ADNP: variants seen among roughly 807,000 people sequenced by gnomAD.
ADNP encodes activity-dependent neuroprotector homeobox protein.
In ADNP, 4 loss-of-function variants were observed where a neutral mutation model predicts 84.9. That is an observed-to-expected ratio of 0.05 (90% confidence interval 0.02 to 0.11). The LOEUF (loss-of-function observed/expected upper bound fraction) is 0.11, where lower values mean the gene tolerates loss of function less well. Ranked by LOEUF, ADNP falls within the 10% of genes least tolerant of loss-of-function variation. The probability of loss-of-function intolerance (pLI) is 1.00; values close to 1 mark genes in which losing one functional copy is unlikely to be tolerated. For synonymous variants in ADNP, 554 were observed against 468.1 expected (o/e 1.18, Z -2.37); for missense variants, 1,132 against 1,326.0 (o/e 0.85, Z 2.27).
intron 1 of ADNP, among the ~76,000 whole-genome samples, chr20:50,929,279 C>A: frequency 6.6e-6 from 1 of 152,180 alleles, no homozygotes; most frequent in East Asian, 1.9e-4. Flanking sequence ...GAATCCGAAC[C>A]AAGGATGTGC....
Position 50,889,773 on chromosome 20 carries a change from A to C in ADNP, c.*1632T>G, listed in dbSNP as rs1210699334. ...CTTGTAACTTTCTGCTTTTTAGTAC[A>C]AGTTCTCTTGGGAATCTACGCATGG... On this transcript the variant is annotated 3_prime_UTR_variant, in exon 6 of 6. Transcript: ENST00000621696. The C allele has an allele frequency of 2.5e-6, 1 of 397,410 alleles. No individual in the cohort carries two copies. The allele number at this position is 397,410 out of a possible 1,614,324, so 24.6% of individuals were successfully genotyped here. A position where few individuals can be genotyped will look rare whatever the true frequency, so the allele number is the denominator to read the frequency against.
intron 5 of ADNP, among the ~76,000 whole-genome samples, chr20:50,900,211 C>G (rs368427894): frequency 6.6e-6 from 1 of 152,098 alleles, no homozygotes; most frequent in South Asian, 2.1e-4. Context: ...TTTAGAAACA[C>G]AAATACTTAC....
At chr20:50,915,489 C>A (rs1983440530) in intron 2 of ADNP, among the ~76,000 whole-genome samples, 1 of 152,190 alleles carries the variant, frequency 6.6e-6, no homozygotes, top group Admixed American at 6.5e-5. Flanking sequence ...TCACCCCACT[C>A]AATCTTTTTC....
intron 2 of ADNP, among the ~76,000 whole-genome samples, chr20:50,925,904 C>A (rs1984259562): frequency 6.6e-6 from 1 of 152,228 alleles, no homozygotes; most frequent in Admixed American, 6.5e-5. Context: ...AGTTCAAGAC[C>A]AGCTTGGCCA....
Position 50,890,091 on chromosome 20 carries a change from A to AAAGGT in ADNP, c.*1309_*1313dup. ...TATATGCAGGCTCTGCTCCTTAACAAAAGGTGAACTGAAAAACTCAAGGGT... is the reference window on the plus strand; with the variant it reads ...TATATGCAGGCTCTGCTCCTTAACAAAAGGTAAGGTGAACTGAAAAACTCAAGGGT... On this transcript the variant is annotated 3_prime_UTR_variant, in exon 6 of 6. Transcript: ENST00000621696. The AAAGGT allele has an allele frequency of 3.1e-6, 1 of 324,176 alleles. No individual in the cohort carries two copies. Among genetic ancestry groups the AAAGGT allele is most frequent in the Admixed American group, 4.9e-5 (1 of 20,434 alleles). 20.1% of individuals were successfully genotyped at this position (324,176 alleles called of 1,614,324 possible). A position where few individuals can be genotyped will look rare whatever the true frequency, so the allele number is the denominator to read the frequency against.
chr20:50,925,263 T>TACACACACACACACACACACAC lies in ADNP; in HGVS notation c.-90+3366_-90+3387dup, dbSNP rs57985341. Among the ~76,000 whole-genome samples, 742 of 149,066 alleles carry TACACACACACACACACACACAC rather than the reference T, an allele frequency of 5.0e-3. 2 individuals carry two copies. The highest frequency in any genetic ancestry group is 7.5e-3 in the Non-Finnish European group (504 of 67,254). ...CTCAATTTTTATCTGTGACTTCCTATACACACACACACACACACACACACA... is the reference window on the plus strand; with the variant it reads ...CTCAATTTTTATCTGTGACTTCCTATACACACACACACACACACACACACACACACACACACACACACACACA... On this transcript the variant is annotated intron_variant, in intron 2 of 5. Transcript: ENST00000621696.
At chr20:50,930,686 T>C (rs1173238504) in intron 1 of ADNP, 140 bp downstream of exon 1, 1 of 151,822 alleles carries the variant, frequency 6.6e-6, no homozygotes, top group Non-Finnish European at 1.5e-5. Context: ...CAAAGGAGCG[T>C]GTGTGCGGCT....
chr20:50,925,263 TAC>T (rs57985341), intron 2 of ADNP, among the ~76,000 whole-genome samples: 6,588 of 148,852 alleles, frequency 0.044, 308 homozygotes, highest in African/African-American at 0.12. Flanking sequence ...TGACTTCCTA[TAC>T]ACACACACAC....
chr20:50,898,859 G>A (rs955395904), intron 5 of ADNP, among the ~76,000 whole-genome samples: 2 of 152,126 alleles, frequency 1.3e-5, no homozygotes, highest in Non-Finnish European at 2.9e-5. Context: ...AGTATATATA[G>A]TAAATACATA....
At chr20:50,907,607 A>G (rs1034682813) in intron 2 of ADNP, among the ~76,000 whole-genome samples, 1 of 146,532 alleles carries the variant, frequency 6.8e-6, no homozygotes, top group African/African-American at 2.5e-5. Context: ...ACGCCTGGCC[A>G]GGGTTCCACT....
At chr20:50,905,934 T>C (rs867637449) in intron 2 of ADNP, among the ~76,000 whole-genome samples, 7 of 152,252 alleles carry the variant, frequency 4.6e-5, no homozygotes, top group African/African-American at 9.6e-5. Flanking sequence ...TAGTACACAC[T>C]GGGCATGGTG....
rs1002057722 is a variant in ADNP at position 50,903,922 on chromosome 20, G to A, written c.75C>T (p.Asp25=). The change falls in exon 4 of 6, where the codon GAC becomes GAT. Residue 25 remains aspartate, a synonymous_variant. Coordinates refer to ENST00000621696, the MANE Select transcript of ADNP (RefSeq NM_001282531.3). The part of the protein sequence containing the change: ...ARKTVKKILS[D]IGLEYCKEHI... ...GTTCTTTACAGTATTCCAACCCAAT[G>A]TCACTAAGTATTTTTTTCACAGTTT... is the stretch of plus-strand genomic sequence containing the variant. 1 of 1,613,708 alleles carries A rather than the reference G, an allele frequency of 6.2e-7. No homozygotes were observed. Among genetic ancestry groups the A allele is most frequent in the African/African-American group, 1.3e-5 (1 of 74,906 alleles).
chr20:50,913,334 G>GCTA (rs1272287422), intron 2 of ADNP, among the ~76,000 whole-genome samples: 1 of 141,430 alleles, frequency 7.1e-6, no homozygotes. Flanking sequence ...AGACAATCAG[G>GCTA]CTACTACAAT....
At position 50,893,151 on chromosome 20, in the gene ADNP, G is replaced by A. The variant is rs1219299927; in HGVS notation, c.1563C>T (p.Phe521=). ...GLSCPYCRST[F]NDVEKMAAHM... ...GTGCGGCCATCTTTTCCACATCATT[G>A]AAAGTTGAACGGCAATATGGACAAG... Residue 521 remains phenylalanine (F), a synonymous_variant, in exon 6 of 6, where the codon TTC becomes TTT. Coordinates refer to ENST00000621696, the MANE Select transcript of ADNP (RefSeq NM_001282531.3). This position sits in a 1 kb window ranked among gnomAD's most constrained non-coding sequence, Gnocchi z 4.4. 3 of 1,614,248 alleles carry A rather than the reference G, an allele frequency of 1.9e-6. No individual in the cohort carries two copies. The highest frequency in any genetic ancestry group is 1.7e-6 in the Non-Finnish European group (2 of 1,180,042).
chr20:50,891,334 C>CA lies in ADNP; in HGVS notation c.*70dup. 1 of 1,480,232 alleles carries CA rather than the reference C, an allele frequency of 6.8e-7. No homozygotes were observed. Among genetic ancestry groups the CA allele is most frequent in the South Asian group, 1.4e-5 (1 of 72,418 alleles). 91.7% of individuals were successfully genotyped at this position (1,480,232 alleles called of 1,614,324 possible). Reference sequence around the variant, plus strand: ...TCACAAGGCAGTACCAGTGAGAAGACAGCTTTGCAGTCACACTGGATATCA... The same window carrying CA: ...TCACAAGGCAGTACCAGTGAGAAGACAAGCTTTGCAGTCACACTGGATATCA... On this transcript the variant is annotated 3_prime_UTR_variant, in exon 6 of 6. Transcript: ENST00000621696.
intron 2 of ADNP, among the ~76,000 whole-genome samples, chr20:50,925,415 C>T (rs943541566): frequency 2.0e-5 from 3 of 152,060 alleles, no homozygotes; most frequent in Non-Finnish European, 4.4e-5. Flanking sequence ...ACTGGCAGAT[C>T]GCAAAGGTAG....
rs1165275789 is a variant in ADNP at position 50,891,570 on chromosome 20, C to A, written c.3144G>T (p.Lys1048Asn). ...AGCGCTCATCATTCTCAGATGCATT[C>A]TTCCACTGTGACTGGTCCTTAGACC... ...GFWSKDQSQWKNASENDERLS... is the reference protein window; with the variant it reads ...GFWSKDQSQWNNASENDERLS... The change falls in exon 6 of 6, where the codon AAG (lysine) becomes AAT (asparagine). Residue 1048 changes from lysine (K) to asparagine (N), a missense_variant. Physicochemically the swap from Lys to Asn is moderately conservative, Grantham distance 94 (BLOSUM62 0). Transcript: ENST00000621696. 6.2e-7 allele frequency: 1 copy of A among 1,612,702 alleles called. No individual in the cohort carries two copies. The highest frequency in any genetic ancestry group is 1.7e-5 in the Admixed American group (1 of 60,014).
At chr20:50,919,319 A>ATATAT (rs1555815827) in intron 2 of ADNP, among the ~76,000 whole-genome samples, 2 of 148,274 alleles carry the variant, frequency 1.3e-5, no homozygotes, top group African/African-American at 2.5e-5. Flanking sequence ...ATATATATGT[A>ATATAT]AAAAGCCAGG....
At chr20:50,914,005 G>C in intron 2 of ADNP, 1 of 752,824 alleles carries the variant, frequency 1.3e-6, no homozygotes, top group Non-Finnish European at 2.5e-6. Flanking sequence ...AGCCCTTCTG[G>C]GAAAAGGTGC....
Sources: gnomAD v4.1 joint callset for allele counts (sites outside exome capture counted in the v4.1 genomes callset) on GRCh38, gnomAD v4.1.1 for gene constraint, Gnocchi (gnomAD v3.1) non-coding constraint, MANE v1.5 for transcripts, NCBI Gene and HGNC (gene_info 2026-07-23, HGNC 2026-07-21) for gene names.